Variants in CTXN2 observed in about 807,000 individuals in gnomAD.
CTXN2 encodes the protein cortexin 2, also known as cortexin-2.
In CTXN2, 3 loss-of-function variants were observed where a neutral mutation model predicts 5.7. The ratio of observed to expected loss-of-function variants is 0.53; its 90% CI spans 0.24 to 1.36. CTXN2 has a LOEUF of 1.36. Ranked by LOEUF, CTXN2 falls within the 40% of genes most tolerant of loss-of-function variation. The probability of loss-of-function intolerance (pLI) is 0.17; values close to 1 mark genes in which losing one functional copy is unlikely to be tolerated. For synonymous variants in CTXN2, 38 were observed against 36.4 expected (o/e 1.04, Z -0.16); for missense variants, 87 against 93.0 (o/e 0.94, Z 0.26).
At chr15:48,196,099 A>G (rs8037482) in intron 1 of CTXN2, among the ~76,000 whole-genome samples, 21,528 of 152,026 alleles carry the variant, frequency 0.14, 4,244 homozygotes, top group African/African-American at 0.42. Flanking sequence ...TTGCACCCCT[A>G]TTCAATTTAA....
intron 1 of CTXN2, chr15:48,192,074 C>G (rs2040829230): frequency 3.4e-6 from 1 of 295,288 alleles, no homozygotes; most frequent in Non-Finnish European, 6.8e-6. Context: ...ACTGCTGATG[C>G]GGCTGCCAGG....
Position 48,201,676 on chromosome 15 carries a change from T to G in CTXN2, c.*130T>G, listed in dbSNP as rs1433980332. On this transcript the variant is annotated 3_prime_UTR_variant, in exon 2 of 2. Transcript: ENST00000417307. ...ATTCAATAAACATCTGTGACTAATT[T>G]CTTCACCATGCTGTGTAAATGATAA... The G allele has an allele frequency of 3.5e-6, 3 of 854,746 alleles. No homozygotes were observed. Among genetic ancestry groups the G allele is most frequent in the Non-Finnish European group, 5.4e-6 (3 of 551,052 alleles). 52.9% of individuals were successfully genotyped at this position (854,746 alleles called of 1,614,324 possible). A position where few individuals can be genotyped will look rare whatever the true frequency, so the allele number is the denominator to read the frequency against.
intron 1 of CTXN2, among the ~76,000 whole-genome samples, chr15:48,194,499 C>T (rs1373002862): frequency 6.6e-6 from 1 of 152,074 alleles, no homozygotes; most frequent in Non-Finnish European, 1.5e-5. Flanking sequence ...TTCTGAATGC[C>T]AACCATAAGA....
upstream of CTXN2, among the ~76,000 whole-genome samples, chr15:48,186,972 G>A (rs1322869184): frequency 1.3e-5 from 2 of 151,000 alleles, no homozygotes; most frequent in Non-Finnish European, 2.9e-5. Context: ...GTAAAACAGG[G>A]AATGAGATCA....
chr15:48,184,405 CATTAAAA>C (rs1451617894), intron 1 of CTXN2, among the ~76,000 whole-genome samples: 4 of 152,072 alleles, frequency 2.6e-5, no homozygotes, highest in Non-Finnish European at 2.9e-5. Flanking sequence ...CAAAATCATA[CATTAAAA>C]ATAACTGGCA....
chr15:48,182,871 G>A (rs2040711800), intron 1 of CTXN2, among the ~76,000 whole-genome samples: 1 of 152,148 alleles, frequency 6.6e-6, no homozygotes, highest in South Asian at 2.1e-4. Context: ...GGAGTCACAA[G>A]GAACCATGGC....
upstream of CTXN2, chr15:48,191,635 C>T: frequency 2.2e-6 from 1 of 444,554 alleles, no homozygotes; most frequent in Non-Finnish European, 4.6e-6. Context: ...CGCGCGCGCA[C>T]ACGTACTTCG....
In CTXN2 at chr15:48,191,693, C is replaced by G. The variant is rs756709353; in HGVS notation, c.-218C>G. On this transcript the variant is annotated 5_prime_UTR_variant, in exon 1 of 2. Transcript: ENST00000417307. ...TCACCAACAGACACAGACATTTACA[C>G]TTCTAGGCCAGGAAAGCGCTAACCA... The G allele has an allele frequency of 2.2e-6, 1 of 455,980 alleles. No homozygotes were observed. The highest frequency in any genetic ancestry group is 1.5e-5 in the South Asian group (1 of 64,546). 28.2% of individuals were successfully genotyped at this position (455,980 alleles called of 1,614,324 possible). A position where few individuals can be genotyped will look rare whatever the true frequency, so the allele number is the denominator to read the frequency against.
chr15:48,188,662 T>C (rs549874728), upstream of CTXN2, among the ~76,000 whole-genome samples: 2 of 152,276 alleles, frequency 1.3e-5, no homozygotes, highest in African/African-American at 4.8e-5. Flanking sequence ...TTCTAAACAA[T>C]GTCACCAACA....
intron 1 of CTXN2, among the ~76,000 whole-genome samples, chr15:48,194,629 T>C (rs951322157): frequency 7.9e-5 from 12 of 152,298 alleles, no homozygotes; most frequent in African/African-American, 2.9e-4. Flanking sequence ...ACAGATTTAC[T>C]CATGATTCAT....
intron 1 of CTXN2, among the ~76,000 whole-genome samples, chr15:48,183,328 G>A (rs2040717083): frequency 6.6e-6 from 1 of 152,148 alleles, no homozygotes; most frequent in Non-Finnish European, 1.5e-5. Context: ...TACAAACTGA[G>A]AGATCTCAAA....
At chr15:48,180,549 T>G (rs2040692827) in intron 1 of CTXN2, among the ~76,000 whole-genome samples, 1 of 152,234 alleles carries the variant, frequency 6.6e-6, no homozygotes, top group Non-Finnish European at 1.5e-5. Context: ...TCTCGCTCTG[T>G]CACCCAGGCT....
At chr15:48,186,909 CAAAAAA>C (rs751653728), upstream of CTXN2, among the ~76,000 whole-genome samples, 8 of 44,556 alleles carry the variant, frequency 1.8e-4, no homozygotes, top group African/African-American at 2.5e-4. Flanking sequence ...GACTCCATCT[CAAAAAA>C]AAAAAAAAAA....
intron 1 of CTXN2, among the ~76,000 whole-genome samples, chr15:48,197,406 G>A (rs891738451): frequency 2.6e-5 from 4 of 151,876 alleles, no homozygotes; most frequent in Non-Finnish European, 5.9e-5. Context: ...ATGACTATGA[G>A]TACCTGGTAT....
chr15:48,185,236 A>G (rs1307136670), intron 1 of CTXN2, among the ~76,000 whole-genome samples: 1 of 152,206 alleles, frequency 6.6e-6, no homozygotes, highest in African/African-American at 2.4e-5. Context: ...TACACTATTC[A>G]AAACTCATAG....
upstream of CTXN2, chr15:48,190,191 C>T (rs2040800997): frequency 6.6e-6 from 1 of 152,180 alleles, no homozygotes; most frequent in Admixed American, 6.5e-5. Context: ...AATCTGAGAC[C>T]CAACCCCACA....
At chr15:48,182,150 T>A (rs2040706128) in intron 1 of CTXN2, among the ~76,000 whole-genome samples, 1 of 152,228 alleles carries the variant, frequency 6.6e-6, no homozygotes, top group East Asian at 1.9e-4. Flanking sequence ...TCACCCCCAA[T>A]ACACCCTCAT....
chr15:48,199,864 T>C (rs2040913761), intron 1 of CTXN2, among the ~76,000 whole-genome samples: 1 of 152,152 alleles, frequency 6.6e-6, no homozygotes. Flanking sequence ...TTGAACAATA[T>C]TTTTTCCCTT....
chr15:48,191,622 ACG>A (rs756528907), upstream of CTXN2: 16 of 435,516 alleles, frequency 3.7e-5, no homozygotes, highest in East Asian at 7.1e-5. Flanking sequence ...TTTCCTGCAA[ACG>A]CGCGCGCGCA....
Sources: allele counts gnomAD v4.1 joint callset (sites outside exome capture counted in the v4.1 genomes callset), GRCh38; gene constraint gnomAD v4.1.1; transcripts MANE v1.5; gene names NCBI Gene and HGNC (gene_info 2026-07-23, HGNC 2026-07-21).